Variants in ITGA4 observed in about 807,000 individuals in gnomAD.
The protein encoded by ITGA4 is integrin subunit alpha 4, also known as integrin alpha-4.
Under a neutral mutation model 133.6 loss-of-function variants are expected in ITGA4, and 63 were observed. The observed-to-expected ratio is 0.47, with a 90% confidence interval of 0.38 to 0.58. ITGA4 has a LOEUF of 0.58. ITGA4 is among the 20% of genes least tolerant of loss of function. The pLI, the probability that ITGA4 is intolerant of heterozygous loss-of-function variation, is 0.00. For synonymous variants in ITGA4, 483 were observed against 438.0 expected (o/e 1.10, Z -1.28); for missense variants, 1,076 against 1,252.7 (o/e 0.86, Z 2.13).
In ITGA4 at chr2:181,479,075, A is replaced by G. The variant is rs1685744919; in HGVS notation, c.624+251A>G. The G allele has an allele frequency of 5.3e-5, 15 of 281,560 alleles. No individual in the cohort carries two copies. In the East Asian group the frequency reaches 8.9e-4, roughly 17 times the overall value. 17.4% of individuals were successfully genotyped at this position (281,560 alleles called of 1,614,324 possible). A position where few individuals can be genotyped will look rare whatever the true frequency, so the allele number is the denominator to read the frequency against. On this transcript the variant is annotated intron_variant, in intron 5 of 27. Coordinates refer to ENST00000397033, the MANE Select transcript of ITGA4 (RefSeq NM_000885.6). ...ATACTAAAGAACATTTCTTTCATCAACAATTTAATGAAAATCAAAAGTAGC... is the reference window on the plus strand; with the variant it reads ...ATACTAAAGAACATTTCTTTCATCAGCAATTTAATGAAAATCAAAAGTAGC...
chr2:181,470,371 C>A (rs1413689071), intron 2 of ITGA4, among the ~76,000 whole-genome samples: 1 of 151,942 alleles, frequency 6.6e-6, no homozygotes, highest in Admixed American at 6.6e-5. Context: ...CAGTATGGCC[C>A]AGGGAAACCA....
chr2:181,471,601 A>G (rs1685552474), intron 2 of ITGA4, among the ~76,000 whole-genome samples: 1 of 152,188 alleles, frequency 6.6e-6, no homozygotes, highest in South Asian at 2.1e-4. Context: ...AATGAATCAG[A>G]AATTTTATCT....
chr2:181,532,819 C>T (rs549344708), intron 25 of ITGA4, among the ~76,000 whole-genome samples: 6 of 152,166 alleles, frequency 3.9e-5, no homozygotes, highest in South Asian at 4.1e-4. Flanking sequence ...TGTCTTGTGA[C>T]GGTTTTCAAA....
intron 6 of ITGA4, among the ~76,000 whole-genome samples, chr2:181,481,228 G>A (rs1685794548): frequency 6.6e-6 from 1 of 152,080 alleles, no homozygotes; most frequent in Non-Finnish European, 1.5e-5. Flanking sequence ...AAAAAAAGTT[G>A]AACTTCAGCA....
rs146056295 is a variant in ITGA4, at chr2:181,525,380, A to AT, written c.2339+96dup. 4.9e-3 allele frequency: 3,231 copies of AT among 660,538 alleles called. 89 individuals are homozygous for AT. In the African/African-American group the frequency reaches 0.054, roughly 11 times the overall value. The allele number at this position is 660,538 out of a possible 1,614,324, so 40.9% of individuals were successfully genotyped here. ...ATTAATGAAAAAACTGTATTCTAGA[A>AT]TTTTTTTAAAATAAAAAGGATACTC... is the stretch of plus-strand genomic sequence containing the variant. On this transcript the variant is annotated intron_variant, in intron 21 of 27. Coordinates refer to ENST00000397033, the MANE Select transcript of ITGA4 (RefSeq NM_000885.6).
intron 22 of ITGA4, among the ~76,000 whole-genome samples, chr2:181,528,225 C>A (rs1686872894): frequency 6.6e-6 from 1 of 152,088 alleles, no homozygotes; most frequent in Non-Finnish European, 1.5e-5. Flanking sequence ...AAAAGAATGA[C>A]CTTGAAATCC....
intron 9 of ITGA4, among the ~76,000 whole-genome samples, chr2:181,483,753 T>C (rs913570905): frequency 2.0e-5 from 3 of 152,200 alleles, no homozygotes; most frequent in Non-Finnish European, 4.4e-5. Flanking sequence ...TTCTTCCATT[T>C]CTATCTCCAA....
chr2:181,522,484 CCCCT>C, intron 18 of ITGA4, 143 bp downstream of exon 18: 2 of 560,936 alleles, frequency 3.6e-6, no homozygotes, highest in Non-Finnish European at 5.9e-6. Context: ...TTACTCTGTG[CCCCT>C]GCTCAGAATG....
At chr2:181,463,895 G>T (rs149068232) in intron 2 of ITGA4, among the ~76,000 whole-genome samples, 124 of 152,276 alleles carry the variant, frequency 8.1e-4, no homozygotes, top group African/African-American at 3.0e-3. Context: ...TACAGTTCGA[G>T]AAGTGATTAG....
At chr2:181,484,152 G>A (rs1685863655) in intron 9 of ITGA4, among the ~76,000 whole-genome samples, 2 of 152,186 alleles carry the variant, frequency 1.3e-5, no homozygotes, top group South Asian at 4.1e-4. Context: ...TTCTTCTACT[G>A]TAGTATAGAT....
chr2:181,536,604 TCA>T lies in ITGA4; in HGVS notation c.*1078_*1079del, dbSNP rs1163527165. 1 of 163,660 alleles carries T rather than the reference TCA, an allele frequency of 6.1e-6. No individual in the cohort carries two copies. Among genetic ancestry groups the T allele is most frequent in the Non-Finnish European group, 1.3e-5 (1 of 76,014 alleles). 10.1% of individuals were successfully genotyped at this position (163,660 alleles called of 1,614,324 possible). Reference sequence around the variant, plus strand: ...AGAAACAAAATTCATAAATTTAAATTCATAAATTTAGCTGAAAGATACTGATT... The same window carrying T: ...AGAAACAAAATTCATAAATTTAAATTTAAATTTAGCTGAAAGATACTGATT... On this transcript the variant is annotated 3_prime_UTR_variant, in exon 28 of 28. Coordinates refer to ENST00000397033, the MANE Select transcript of ITGA4 (RefSeq NM_000885.6).
chr2:181,526,819 G>A (rs1219216498), intron 21 of ITGA4, among the ~76,000 whole-genome samples: 1 of 32,958 alleles, frequency 3.0e-5, no homozygotes, highest in Admixed American at 3.4e-4. Flanking sequence ...AGAGCACATG[G>A]CCTTTTTTTT....
chr2:181,536,548 C>CAAGTATAAGTGTTTAT lies in ITGA4; in HGVS notation c.*1034_*1035insTATAAGTATAAGTGTT, dbSNP rs1687101277. On this transcript the variant is annotated 3_prime_UTR_variant, in exon 28 of 28. Coordinates refer to ENST00000397033, the MANE Select transcript of ITGA4 (RefSeq NM_000885.6). ...GGATGTAATTCTTTGTTACCCTTTA[C>CAAGTATAAGTGTTTAT]AAGTATAAGTGTTACCTTACATGGA... The CAAGTATAAGTGTTTAT allele has an allele frequency of 6.1e-6, 1 of 163,382 alleles. No individual in the cohort carries two copies. The highest frequency in any genetic ancestry group is 6.1e-5 in the Admixed American group (1 of 16,330). The allele number at this position is 163,382 out of a possible 1,614,324, so 10.1% of individuals were successfully genotyped here. A position where few individuals can be genotyped will look rare whatever the true frequency, so the allele number is the denominator to read the frequency against.
At chr2:181,519,103 A>G (rs924976876) in intron 17 of ITGA4, among the ~76,000 whole-genome samples, 4 of 152,144 alleles carry the variant, frequency 2.6e-5, no homozygotes, top group Non-Finnish European at 4.4e-5. Flanking sequence ...AAGATGTGGC[A>G]TATTCATAAA....
Position 181,485,865 on chromosome 2 carries a change from C to T in ITGA4, c.1042-16C>T. 1.9e-6 allele frequency: 3 copies of T among 1,583,832 alleles called. No homozygotes were observed. The highest frequency in any genetic ancestry group is 2.3e-5 in the East Asian group (1 of 44,164). ...GGAGTGTTATAATGACACGTTTTCTCTCCCTTTCTATCTAGGGAGCAGTAA... is the reference window on the plus strand; with the variant it reads ...GGAGTGTTATAATGACACGTTTTCTTTCCCTTTCTATCTAGGGAGCAGTAA... On this transcript the variant is annotated splice_polypyrimidine_tract_variant and intron_variant, in intron 9 of 27. Coordinates refer to ENST00000397033, the MANE Select transcript of ITGA4 (RefSeq NM_000885.6).
intron 22 of ITGA4, among the ~76,000 whole-genome samples, chr2:181,528,981 T>C (rs973457129): frequency 5.3e-5 from 8 of 152,232 alleles, no homozygotes; most frequent in Non-Finnish European, 1.0e-4. Flanking sequence ...CATCAGCATA[T>C]AGATCCTGAA....
rs1041987805 is a variant in ITGA4, at chr2:181,536,456, A to AGG, written c.*933_*934dup. Among the ~76,000 whole-genome samples, 1 of 152,120 alleles carries AGG rather than the reference A, an allele frequency of 6.6e-6. No homozygotes were observed. Among genetic ancestry groups the AGG allele is most frequent in the Admixed American group, 6.6e-5 (1 of 15,252 alleles). Reference sequence around the variant, plus strand: ...TTAAAATCAAAGCTGTGCAAAGACTAGGGGGCCTATACTTCATATGTATTA... The same window carrying AGG: ...TTAAAATCAAAGCTGTGCAAAGACTAGGGGGGGCCTATACTTCATATGTATTA... On this transcript the variant is annotated 3_prime_UTR_variant, in exon 28 of 28. Transcript: ENST00000397033.
At chr2:181,503,095 C>T (rs1329053317) in intron 15 of ITGA4, among the ~76,000 whole-genome samples, 1 of 151,954 alleles carries the variant, frequency 6.6e-6, no homozygotes, top group Non-Finnish European at 1.5e-5. Context: ...GCAAAGATGG[C>T]ATAGATATTA....
At chr2:181,478,363 C>T (rs1445940404) in intron 4 of ITGA4, among the ~76,000 whole-genome samples, 2 of 151,946 alleles carry the variant, frequency 1.3e-5, no homozygotes, top group Non-Finnish European at 2.9e-5. Flanking sequence ...AAAAAGATGA[C>T]CGTGAGGAGG....
Sources: allele counts gnomAD v4.1 joint callset (sites outside exome capture counted in the v4.1 genomes callset), GRCh38; gene constraint gnomAD v4.1.1; transcripts MANE v1.5; gene names NCBI Gene and HGNC (gene_info 2026-07-23, HGNC 2026-07-21).